Variants in ZNF609 observed in about 807,000 individuals in gnomAD.
ZNF609 encodes zinc finger protein 609.
A neutral mutation model predicts 109.5 loss-of-function variants in ZNF609; 11 were observed. The ratio of observed to expected loss-of-function variants is 0.10; its 90% CI spans 0.06 to 0.17. The LOEUF (loss-of-function observed/expected upper bound fraction) is 0.17. Ranked by LOEUF, ZNF609 falls within the 10% of genes least tolerant of loss-of-function variation. The pLI, the probability that ZNF609 is intolerant of heterozygous loss-of-function variation, is 1.00. For synonymous variants in ZNF609, 646 were observed against 662.0 expected (o/e 0.98, Z 0.37); for missense variants, 1,559 against 1,772.4 (o/e 0.88, Z 2.16).
intron 2 of ZNF609, among the ~76,000 whole-genome samples, chr15:64,548,187 T>C (rs1894399492): frequency 1.3e-5 from 2 of 152,190 alleles, no homozygotes; most frequent in Non-Finnish European, 2.9e-5. Context: ...TTGAATTTTT[T>C]CAACAGTTAC....
chr15:64,479,925 A>T (rs553161600), intron 1 of ZNF609, among the ~76,000 whole-genome samples: 3 of 151,558 alleles, frequency 2.0e-5, no homozygotes, highest in South Asian at 2.1e-4. Flanking sequence ...TCTCAAATTT[A>T]AAAAAAATTA....
intron 2 of ZNF609, among the ~76,000 whole-genome samples, chr15:64,563,927 A>G (rs1260918583): frequency 6.6e-6 from 1 of 152,102 alleles, no homozygotes; most frequent in African/African-American, 2.4e-5. Context: ...TCTGTCACCC[A>G]GGCTGGAGCG....
Position 64,564,564 on chromosome 15 carries a change from A to G in ZNF609, c.748-58263A>G, listed in dbSNP as rs887437728. Reference sequence around the variant, plus strand: ...AGCAGTTTGTTTTGTTTTCAGGCATAAAGATATCCATCCATGTGTTTGTTG... The same window carrying G: ...AGCAGTTTGTTTTGTTTTCAGGCATGAAGATATCCATCCATGTGTTTGTTG... On this transcript the variant is annotated intron_variant, in intron 2 of 9. Coordinates refer to ENST00000326648, the MANE Select transcript of ZNF609 (RefSeq NM_015042.2). Among the ~76,000 whole-genome samples, 3 of 152,146 alleles carry G rather than the reference A, an allele frequency of 2.0e-5. No homozygotes were observed. The East Asian group carries it at 5.8e-4, about 29-fold the overall frequency.
chr15:64,476,852 A>G (rs2140334134), intron 1 of ZNF609, among the ~76,000 whole-genome samples: 1 of 152,268 alleles, frequency 6.6e-6, no homozygotes, highest in East Asian at 1.9e-4. Flanking sequence ...GGAGAAGCCC[A>G]GTATCATAAC....
intron 1 of ZNF609, among the ~76,000 whole-genome samples, chr15:64,475,392 C>CTTT (rs35289626): frequency 3.7e-4 from 40 of 109,566 alleles, no homozygotes; most frequent in Admixed American, 7.3e-4. Context: ...CACATGTTGT[C>CTTT]TTTTTTTTTT....
At chr15:64,673,840 T>C (rs1896768865) in intron 4 of ZNF609, 76 bp from the exon 5 acceptor site, 1 of 1,488,062 alleles carries the variant, frequency 6.7e-7, no homozygotes, top group African/African-American at 1.4e-5. Context: ...TGGACAGTTC[T>C]GGAGGCTACA....
intron 2 of ZNF609, among the ~76,000 whole-genome samples, chr15:64,598,402 C>T (rs1478106913): frequency 6.6e-6 from 1 of 152,158 alleles, no homozygotes; most frequent in African/African-American, 2.4e-5. Context: ...AGGCATGAGA[C>T]ACCACATCCA....
At chr15:64,467,369 TTTC>T (rs1893030069) in intron 1 of ZNF609, among the ~76,000 whole-genome samples, 1 of 152,254 alleles carries the variant, frequency 6.6e-6, no homozygotes, top group Non-Finnish European at 1.5e-5. Context: ...TCTTCAGTCC[TTTC>T]TTCTTGATTG....
At chr15:64,528,915 G>T in intron 2 of ZNF609, 1 of 1,116,074 alleles carries the variant, frequency 9.0e-7, no homozygotes, top group Non-Finnish European at 1.4e-6. Flanking sequence ...TCATCATATT[G>T]GCAGGTTTTT....
chr15:64,530,981 A>G (rs561924023), intron 2 of ZNF609, among the ~76,000 whole-genome samples: 20 of 152,318 alleles, frequency 1.3e-4, no homozygotes, highest in African/African-American at 4.6e-4. Flanking sequence ...ATCATGTGTA[A>G]CAAAATCACT....
chr15:64,523,453 C>T (rs1471392969), intron 2 of ZNF609, among the ~76,000 whole-genome samples: 2 of 152,074 alleles, frequency 1.3e-5, no homozygotes, highest in Non-Finnish European at 2.9e-5. Flanking sequence ...ATAAGAATTT[C>T]AGGAAATCTA....
At chr15:64,607,747 C>T (rs1441775110) in intron 2 of ZNF609, among the ~76,000 whole-genome samples, 1 of 151,780 alleles carries the variant, frequency 6.6e-6, no homozygotes, top group African/African-American at 2.4e-5. Flanking sequence ...TTAGGTGATC[C>T]ACCCTCCTTG....
intron 1 of ZNF609, among the ~76,000 whole-genome samples, chr15:64,463,042 C>T (rs887140502): frequency 3.3e-5 from 5 of 152,040 alleles, no homozygotes; most frequent in Non-Finnish European, 5.9e-5. Context: ...TCACTTGAGC[C>T]TAGGAGTTTG....
At chr15:64,478,155 G>GGTGTGTGTGTGTGT (rs149241970) in intron 1 of ZNF609, among the ~76,000 whole-genome samples, 40 of 138,306 alleles carry the variant, frequency 2.9e-4, no homozygotes, top group East Asian at 1.4e-3. Context: ...TTAGAATAAA[G>GGTGTGTGTGTGTGT]GTGTGTGTGT....
intron 1 of ZNF609, among the ~76,000 whole-genome samples, chr15:64,469,593 C>T (rs1282558970): frequency 1.3e-5 from 2 of 151,640 alleles, no homozygotes. Flanking sequence ...CTCTCATACT[C>T]TTTGATTTGT....
chr15:64,462,971 G>A (rs950032150), intron 1 of ZNF609, among the ~76,000 whole-genome samples: 1 of 152,166 alleles, frequency 6.6e-6, no homozygotes, highest in Non-Finnish European at 1.5e-5. Context: ...AAAATTATTT[G>A]GGACCAGGCA....
intron 2 of ZNF609, among the ~76,000 whole-genome samples, chr15:64,518,688 A>G (rs58977068): frequency 0.047 from 7,091 of 152,240 alleles, 550 homozygotes; most frequent in African/African-American, 0.16. Context: ...TTAATAGGAA[A>G]GGAGCAAAGT....
At chr15:64,642,475 A>G (rs1316198060) in intron 3 of ZNF609, among the ~76,000 whole-genome samples, 1 of 151,848 alleles carries the variant, frequency 6.6e-6, no homozygotes, top group Non-Finnish European at 1.5e-5. Context: ...GTGAGCCACC[A>G]CGCCCAGCCA....
chr15:64,460,248 A>C (rs1235547846), upstream of ZNF609, among the ~76,000 whole-genome samples: 1 of 152,058 alleles, frequency 6.6e-6, no homozygotes, highest in Non-Finnish European at 1.5e-5. Context: ...TATAAGGTGC[A>C]ATACTCCCCC....
Sources: gnomAD v4.1 joint callset for allele counts (sites outside exome capture counted in the v4.1 genomes callset) on GRCh38, gnomAD v4.1.1 for gene constraint, MANE v1.5 for transcripts, NCBI Gene and HGNC (gene_info 2026-07-23, HGNC 2026-07-21) for gene names.